CCM2: variants seen among roughly 807,000 people sequenced by gnomAD.
The protein encoded by CCM2 is cerebral cavernous malformations 2 protein.
A neutral mutation model predicts 44.9 loss-of-function variants in CCM2; 25 were observed. That is an observed-to-expected ratio of 0.56 (90% confidence interval 0.41 to 0.78). The LOEUF (loss-of-function observed/expected upper bound fraction) is 0.78. Ranked by LOEUF, CCM2 falls within the 30% of genes least tolerant of loss-of-function variation. The pLI, the probability that CCM2 is intolerant of heterozygous loss-of-function variation, is 0.00. For synonymous variants in CCM2, 219 were observed against 241.1 expected (o/e 0.91, Z 0.85); for missense variants, 481 against 580.6 (o/e 0.83, Z 1.76).
At chr7:45,002,715 C>T (rs941875445) in intron 1 of CCM2, among the ~76,000 whole-genome samples, 1 of 152,164 alleles carries the variant, frequency 6.6e-6, no homozygotes, top group Non-Finnish European at 1.5e-5. Flanking sequence ...GTGATGATGA[C>T]TGTACACCTG....
At chr7:45,039,626 G>T (rs566827576) in intron 2 of CCM2, among the ~76,000 whole-genome samples, 1 of 152,228 alleles carries the variant, frequency 6.6e-6, no homozygotes, top group Non-Finnish European at 1.5e-5. Flanking sequence ...GGGAAGAAAT[G>T]TAAAAGTATA....
chr7:45,068,654 A>G (rs1272029460), intron 5 of CCM2, 75 bp downstream of exon 5: 6 of 1,591,114 alleles, frequency 3.8e-6, no homozygotes, highest in Non-Finnish European at 3.4e-6. Flanking sequence ...CACCCTGGCC[A>G]CACCCAGCAC....
intron 1 of CCM2, among the ~76,000 whole-genome samples, chr7:45,007,965 T>C (rs1795910156): frequency 6.6e-6 from 1 of 152,182 alleles, no homozygotes; most frequent in Non-Finnish European, 1.5e-5. Flanking sequence ...GCTTCCTGTG[T>C]GTTGTCACCA....
chr7:45,023,203 T>C (rs1023337252), intron 1 of CCM2, among the ~76,000 whole-genome samples: 1 of 152,186 alleles, frequency 6.6e-6, no homozygotes, highest in Non-Finnish European at 1.5e-5. Flanking sequence ...CTCCCACTTA[T>C]AAGTGAGAGA....
At chr7:45,032,379 G>A (rs545034164) in intron 1 of CCM2, among the ~76,000 whole-genome samples, 10 of 152,156 alleles carry the variant, frequency 6.6e-5, no homozygotes, top group African/African-American at 1.4e-4. Context: ...TTGGCGTTCC[G>A]GGGTCGCCCT....
chr7:45,009,402 G>GTTTTT (rs66697662), intron 1 of CCM2, among the ~76,000 whole-genome samples: 2 of 74,814 alleles, frequency 2.7e-5, no homozygotes, highest in Non-Finnish European at 2.3e-5. Context: ...GGCTATACTT[G>GTTTTT]TTTTTTTTTT....
intron 9 of CCM2, among the ~76,000 whole-genome samples, chr7:45,075,142 G>A (rs1480655579): frequency 6.6e-6 from 1 of 152,250 alleles, no homozygotes; most frequent in Non-Finnish European, 1.5e-5. Context: ...GGCTGGGGCA[G>A]CCTGTCTGTA....
At chr7:45,027,586 C>T (rs989820046) in intron 1 of CCM2, 7 of 1,593,888 alleles carry the variant, frequency 4.4e-6, no homozygotes, top group Non-Finnish European at 6.0e-6. Flanking sequence ...TTGTAAACAG[C>T]TTCAGTGGCT....
intron 1 of CCM2, among the ~76,000 whole-genome samples, chr7:45,020,497 T>C (rs1446269177): frequency 6.6e-6 from 1 of 152,204 alleles, no homozygotes; most frequent in African/African-American, 2.4e-5. Flanking sequence ...TATGGACTTT[T>C]AGGTTGTCAT....
At chr7:45,067,711 TAC>T (rs1443089814) in intron 4 of CCM2, 2 of 153,122 alleles carry the variant, frequency 1.3e-5, no homozygotes, top group African/African-American at 4.8e-5. Context: ...GGGTTTGAGG[TAC>T]AGTTTCTTAT....
At chr7:45,069,577 C>T (rs999160767) in intron 5 of CCM2, among the ~76,000 whole-genome samples, 12 of 152,232 alleles carry the variant, frequency 7.9e-5, no homozygotes, top group Non-Finnish European at 1.6e-4. Flanking sequence ...TTGTGCCCTG[C>T]ACAGTCCCCT....
intron 2 of CCM2, among the ~76,000 whole-genome samples, chr7:45,053,865 TCC>T (rs1798125109): frequency 6.6e-6 from 1 of 152,152 alleles, no homozygotes; most frequent in African/African-American, 2.4e-5. Flanking sequence ...TATGTCTACT[TCC>T]CTGAGCCTTT....
intron 6 of CCM2, chr7:45,071,893 T>C (rs1164463361): frequency 2.2e-6 from 1 of 456,564 alleles, no homozygotes; most frequent in Non-Finnish European, 4.4e-6. Flanking sequence ...AAGCATCCTT[T>C]ACTCCCCTTT....
At chr7:45,073,708 A>C in intron 8 of CCM2, 137 bp downstream of exon 8, 1 of 633,694 alleles carries the variant, frequency 1.6e-6, no homozygotes, top group African/African-American at 1.8e-5. Context: ...CTCTTGGTCA[A>C]TTTTGCTGAC....
intron 1 of CCM2, among the ~76,000 whole-genome samples, chr7:45,021,628 C>T (rs1796485694): frequency 6.6e-6 from 1 of 151,976 alleles, no homozygotes; most frequent in African/African-American, 2.4e-5. Context: ...CACCATCTCC[C>T]TGTCCCCTGG....
In CCM2 at chr7:45,017,603, G is replaced by T. The variant is rs531083753; in HGVS notation, c.30+17240G>T. Among the ~76,000 whole-genome samples, 12 of 152,308 alleles carry T rather than the reference G, an allele frequency of 7.9e-5. No homozygotes were observed. The South Asian group carries it at 2.3e-3, about 29-fold the overall frequency. On this transcript the variant is annotated intron_variant, in intron 1 of 9. Transcript: ENST00000258781. ...TGAATCCTTACCTGGCACGGTCGTA[G>T]GTCTTGTTTATAATTTGGTGTCTTT...
At chr7:45,027,459 G>A (rs1034495640) in intron 1 of CCM2, 16 of 596,108 alleles carry the variant, frequency 2.7e-5, no homozygotes, top group African/African-American at 2.2e-4. Context: ...TGGGGTTCGC[G>A]TGCTGTGGGA....
chr7:45,027,711 A>G, intron 1 of CCM2: 3 of 1,614,086 alleles, frequency 1.9e-6, no homozygotes, highest in Non-Finnish European at 2.5e-6. Context: ...GAGAATGCAT[A>G]GTAGCTGTCG....
At chr7:45,025,889 G>A (rs574138421) in intron 1 of CCM2, among the ~76,000 whole-genome samples, 2 of 152,236 alleles carry the variant, frequency 1.3e-5, no homozygotes, top group Admixed American at 1.3e-4. Context: ...TTCTTCTCAA[G>A]TGTCTCTAAG....
Sources: allele counts gnomAD v4.1 joint callset (sites outside exome capture counted in the v4.1 genomes callset), GRCh38; gene constraint gnomAD v4.1.1; transcripts MANE v1.5; gene names NCBI Gene and HGNC (gene_info 2026-07-23, HGNC 2026-07-21).